COL12A1: variants seen among roughly 807,000 people sequenced by gnomAD.
The protein encoded by COL12A1 is collagen alpha-1(XII) chain.
A neutral mutation model predicts 349.7 loss-of-function variants in COL12A1; 114 were observed. That is an observed-to-expected ratio of 0.33 (90% CI 0.28 to 0.38). The LOEUF is 0.38. COL12A1 is among the 10% of genes least tolerant of loss of function. The probability of loss-of-function intolerance (pLI) is 1.00; values close to 1 mark genes in which losing one functional copy is unlikely to be tolerated. For missense variants in COL12A1, 3,284 were observed against 3,756.9 expected (o/e 0.87, Z 3.29); for synonymous variants, 1,369 against 1,329.0 (o/e 1.03, Z -0.66).
chr6:75,145,983 AT>A, intron 24 of COL12A1, 118 bp downstream of exon 24: 1 of 1,154,540 alleles, frequency 8.7e-7, no homozygotes, highest in Non-Finnish European at 1.2e-6. Flanking sequence ...CTACTTTTCT[AT>A]TTTTCCATTT....
intron 53 of COL12A1, 88 bp downstream of exon 53, chr6:75,106,331 G>A (rs1384424175): frequency 2.4e-5 from 26 of 1,103,342 alleles, no homozygotes; most frequent in Non-Finnish European, 3.5e-5. Flanking sequence ...ATATACAACT[G>A]TGCAGTGCTA....
intron 14 of COL12A1, among the ~76,000 whole-genome samples, chr6:75,160,752 C>A (rs1245202530): frequency 6.6e-6 from 1 of 152,130 alleles, no homozygotes; most frequent in African/African-American, 2.4e-5. Context: ...TAAGCCCTCA[C>A]CTAACGTTAA....
At chr6:75,181,542 A>G (rs1769292716) in intron 10 of COL12A1, among the ~76,000 whole-genome samples, 1 of 152,236 alleles carries the variant, frequency 6.6e-6, no homozygotes, top group Non-Finnish European at 1.5e-5. Flanking sequence ...TATTTAAACC[A>G]TAGCAGACCT....
chr6:75,123,235 G>T, intron 43 of COL12A1, 95 bp downstream of exon 43: 1 of 1,065,110 alleles, frequency 9.4e-7, no homozygotes, highest in Non-Finnish European at 1.4e-6. Context: ...GATCAGAAAT[G>T]TTCTATATTA....
intron 16 of COL12A1, 29 bp downstream of exon 16, chr6:75,155,633 C>A: frequency 6.3e-7 from 1 of 1,575,938 alleles, no homozygotes; most frequent in African/African-American, 1.4e-5. Flanking sequence ...TTAATTTCAT[C>A]CTTTGATACA....
intron 38 of COL12A1, among the ~76,000 whole-genome samples, chr6:75,127,448 TG>T (rs1766073630): frequency 6.6e-6 from 1 of 152,180 alleles, no homozygotes; most frequent in Non-Finnish European, 1.5e-5. Flanking sequence ...AAAAGACTTT[TG>T]GCAAGTGACT....
Position 75,156,299 on chromosome 6 carries a change from T to C in COL12A1, c.3208A>G (p.Lys1070Glu), listed in dbSNP as rs754650199. ...TGCCTAAGCTTTCCTTCTCCCATCT[T>C]GTAAATAGGAAGAACTGTGATGTCA... The part of the protein sequence containing the change: ...TYDITVLPIY[K>E]MGEGKLRQGS... The change falls in exon 15 of 66, where the codon AAG (lysine) becomes GAG (glutamate). Residue 1070 changes from lysine to glutamate, a missense_variant. Around this residue, in one of 2 missense-constraint regions of COL12A1, gnomAD observed 2,601 missense variants for 2,824.8 expected, o/e 0.92. Coordinates refer to ENST00000322507, the MANE Select transcript of COL12A1 (RefSeq NM_004370.6). The C allele has an allele frequency of 1.2e-6, 2 of 1,613,898 alleles. No homozygotes were observed. Among genetic ancestry groups the C allele is most frequent in the African/African-American group, 1.3e-5 (1 of 75,022 alleles).
At chr6:75,110,293 C>T (rs1768768966) in intron 51 of COL12A1, among the ~76,000 whole-genome samples, 1 of 151,938 alleles carries the variant, frequency 6.6e-6, no homozygotes, top group Admixed American at 6.6e-5. Flanking sequence ...ACCACAGTAT[C>T]CAGAAAAATT....
Position 75,205,892 on chromosome 6 carries a change from A to G in COL12A1, c.-151T>C, listed in dbSNP as rs1278297902. On this transcript the variant is annotated 5_prime_UTR_variant, in exon 1 of 66. Coordinates refer to ENST00000322507, the MANE Select transcript of COL12A1 (RefSeq NM_004370.6). Reference sequence around the variant, plus strand: ...CCGGCGATAGGCGCTGCACTCCAGGAGCACCTGGCGGCCGCCGAGGCGTGG... The same window carrying G: ...CCGGCGATAGGCGCTGCACTCCAGGGGCACCTGGCGGCCGCCGAGGCGTGG... 6.6e-6 allele frequency: 1 copy of G among 152,598 alleles called. No homozygotes were observed. Among genetic ancestry groups the G allele is most frequent in the Non-Finnish European group, 1.5e-5 (1 of 68,362 alleles). 9.5% of individuals were successfully genotyped at this position (152,598 alleles called of 1,614,324 possible).
chr6:75,147,357 G>A lies in COL12A1; in HGVS notation c.4417+318C>T, dbSNP rs534861847. 3.3e-5 allele frequency among the ~76,000 whole-genome samples: 5 copies of A among 152,192 alleles called. No homozygotes were observed. In the South Asian group the frequency reaches 1.0e-3, roughly 32 times the overall value. ...AATTATCCCCCTGAAAGGTATATTT[G>A]CATTTTAGGAGATTTTCTTGAAAGC... On this transcript the variant is annotated intron_variant, in intron 23 of 65. Transcript: ENST00000322507.
rs922525519 is a variant in COL12A1 at position 75,184,027 on chromosome 6, G to A, written c.1115C>T (p.Thr372Ile). The A allele has an allele frequency of 5.0e-6, 8 of 1,614,086 alleles. No individual in the cohort carries two copies. The East Asian group carries it at 1.3e-4, about 27-fold the overall frequency. ...CAGAGCGTGCTGTCGGCTTCCTGCA[G>A]TCATTGGTGTGAGGATGACTTTGTA... is the stretch of plus-strand genomic sequence containing the variant. Reference protein sequence around the residue: ...TGYKVILTPMTAGSRQHALSV... With the variant: ...TGYKVILTPMIAGSRQHALSV... Residue 372 changes from threonine to isoleucine, a missense_variant, in exon 9 of 66, where the codon ACT becomes ATT. Physicochemically the swap from Thr to Ile is moderately conservative, Grantham distance 89. Transcript: ENST00000322507.
At chr6:75,119,777 G>A (rs1562154027) in intron 44 of COL12A1, among the ~76,000 whole-genome samples, 1 of 152,176 alleles carries the variant, frequency 6.6e-6, no homozygotes. Context: ...GGAGTGGTGA[G>A]ATCCCAGGAT....
intron 9 of COL12A1, 45 bp from the exon 10 acceptor site, chr6:75,183,697 C>A: frequency 1.3e-6 from 2 of 1,550,358 alleles, no homozygotes; most frequent in South Asian, 2.5e-5. Context: ...ACATATTAAT[C>A]ATTAAAATAT....
chr6:75,092,556 C>T (rs1210456321), intron 60 of COL12A1, among the ~76,000 whole-genome samples: 2 of 142,152 alleles, frequency 1.4e-5, no homozygotes, highest in African/African-American at 2.9e-5. Context: ...CTGCTATCAC[C>T]GAAGGAACAT....
Position 75,090,577 on chromosome 6 carries a change from TAA to T in COL12A1, c.8753-281_8753-280del, listed in dbSNP as rs1016833039. On this transcript the variant is annotated intron_variant, in intron 62 of 65. Coordinates refer to ENST00000322507, the MANE Select transcript of COL12A1 (RefSeq NM_004370.6). This position sits in a 1 kb window ranked among gnomAD's most constrained non-coding sequence, Gnocchi z 4.1. ...GTTAAAGTTTAATATGGCTCTGAAA[TAA>T]AGTCTTGAGATTTACCAGGTGACAT... is the stretch of plus-strand genomic sequence containing the variant. 3.9e-5 allele frequency among the ~76,000 whole-genome samples: 6 copies of T among 152,206 alleles called. No homozygotes were observed. The highest frequency in any genetic ancestry group is 6.5e-5 in the Admixed American group (1 of 15,278).
chr6:75,163,260 C>T (rs1768111926), intron 14 of COL12A1, among the ~76,000 whole-genome samples: 1 of 152,134 alleles, frequency 6.6e-6, no homozygotes, highest in African/African-American at 2.4e-5. Flanking sequence ...TTGGAACCAA[C>T]CCAAATGCCC....
chr6:75,148,812 T>C (rs1767334771), intron 21 of COL12A1, among the ~76,000 whole-genome samples: 1 of 152,192 alleles, frequency 6.6e-6, no homozygotes, highest in South Asian at 2.1e-4. Context: ...CGATATGGTT[T>C]TGCTGTGTCC....
intron 63 of COL12A1, among the ~76,000 whole-genome samples, chr6:75,089,722 C>T (rs1364105419): frequency 6.6e-6 from 1 of 152,132 alleles, no homozygotes; most frequent in Non-Finnish European, 1.5e-5. Context: ...CAGTGCCAGA[C>T]CCTGAATAAA....
chr6:75,152,838 T>C (rs1420554589), intron 17 of COL12A1, among the ~76,000 whole-genome samples: 1 of 152,092 alleles, frequency 6.6e-6, no homozygotes, highest in African/African-American at 2.4e-5. Context: ...TGAGAATGTA[T>C]AGCTGTCTAA....
Sources: gnomAD v4.1 joint callset for allele counts (sites outside exome capture counted in the v4.1 genomes callset) on GRCh38, gnomAD v4.1.1 for gene constraint, gnomAD v4.1.1 regional missense constraint, Gnocchi (gnomAD v3.1) non-coding constraint, MANE v1.5 for transcripts, NCBI Gene and HGNC (gene_info 2026-07-23, HGNC 2026-07-21) for gene names.